Variants in SLCO4C1 observed in about 807,000 individuals in gnomAD.
SLCO4C1 encodes the protein solute carrier organic anion transporter family member 4C1, also known as organic anion transporter M1.
A neutral mutation model predicts 72.1 loss-of-function variants in SLCO4C1; 58 were observed. That is an observed-to-expected ratio of 0.80 (90% confidence interval 0.65 to 1.00). The LOEUF (loss-of-function observed/expected upper bound fraction) is 1.00. Among genes scored for constraint, SLCO4C1 ranks in the 50% least tolerant of loss-of-function variants. The pLI is 0.00. For missense variants in SLCO4C1, 898 were observed against 857.9 expected (o/e 1.05, Z -0.58); for synonymous variants, 297 against 312.5 (o/e 0.95, Z 0.52).
chr5:102,273,840 T>A (rs527521018), intron 2 of SLCO4C1, among the ~76,000 whole-genome samples: 2 of 152,248 alleles, frequency 1.3e-5, no homozygotes, highest in East Asian at 3.9e-4. Flanking sequence ...TTTGTGAGAT[T>A]ATTAGTTGAG....
rs937297358 is a variant in SLCO4C1, at chr5:102,238,880, T to C, written c.2014+371A>G. Among the ~76,000 whole-genome samples the C allele has an allele frequency of 2.0e-5, 3 of 152,270 alleles. No homozygotes were observed. The Middle Eastern group carries it at 0.01, about 518-fold the overall frequency. ...GATACTTCCCTGCCTGAGCCATATGTGTTTGCAACACCTAGATACCTAGAT... is the reference window on the plus strand; with the variant it reads ...GATACTTCCCTGCCTGAGCCATATGCGTTTGCAACACCTAGATACCTAGAT... On this transcript the variant is annotated intron_variant, in intron 12 of 12. Coordinates refer to ENST00000310954, the MANE Select transcript of SLCO4C1 (RefSeq NM_180991.5).
chr5:102,248,052 T>C (rs1748667617), intron 9 of SLCO4C1, among the ~76,000 whole-genome samples: 1 of 150,310 alleles, frequency 6.7e-6, no homozygotes, highest in Non-Finnish European at 1.5e-5. Flanking sequence ...TATCAAATAA[T>C]GAGGTAATTC....
At chr5:102,243,531 C>T (rs1368622748) in intron 10 of SLCO4C1, among the ~76,000 whole-genome samples, 1 of 152,224 alleles carries the variant, frequency 6.6e-6, no homozygotes, top group Non-Finnish European at 1.5e-5. Flanking sequence ...CACAGCATTA[C>T]TGGCCTTCGG....
Position 102,236,587 on chromosome 5 carries a change from TGTGTGTGTGTGTGTGTTC to T in SLCO4C1, c.*253_*270del, listed in dbSNP as rs1185201783. ...AAATAAGTGTGTATGTGTGCGTGTG[TGTGTGTGTGTGTGTGTTC>T]GTGTGTGTGTGTGTGTGTGTGCTCG... is the stretch of plus-strand genomic sequence containing the variant. On this transcript the variant is annotated 3_prime_UTR_variant, in exon 13 of 13. Coordinates refer to ENST00000310954, the MANE Select transcript of SLCO4C1 (RefSeq NM_180991.5). The T allele has an allele frequency of 4.7e-5, 14 of 300,478 alleles. No homozygotes were observed. The highest frequency in any genetic ancestry group is 8.6e-5 in the East Asian group (1 of 11,626). The allele number at this position is 300,478 out of a possible 1,614,324, so 18.6% of individuals were successfully genotyped here.
intron 3 of SLCO4C1, among the ~76,000 whole-genome samples, chr5:102,267,428 T>C (rs1749061524): frequency 1.3e-5 from 2 of 152,110 alleles, no homozygotes; most frequent in African/African-American, 4.8e-5. Context: ...TTAGTAAGAC[T>C]AACAATCCTT....
At chr5:102,265,419 C>G (rs930317098) in intron 3 of SLCO4C1, among the ~76,000 whole-genome samples, 4 of 152,104 alleles carry the variant, frequency 2.6e-5, no homozygotes, top group Non-Finnish European at 5.9e-5. Flanking sequence ...AGTGTTTCCC[C>G]TATGTTTTCC....
In SLCO4C1 at chr5:102,239,344, T is replaced by G. The variant is rs1329851448; in HGVS notation, c.1921A>C (p.Thr641Pro). 1 of 1,601,860 alleles carries G rather than the reference T, an allele frequency of 6.2e-7. No homozygotes were observed. Among genetic ancestry groups the G allele is most frequent in the East Asian group, 2.3e-5 (1 of 44,406 alleles). ...TCATTTATATCCCAAAGAATACATG[T>G]GCTGTCTATTGTGAAACCAAATATA... Reference protein sequence around the residue: ...PIIFGFTIDSTCILWDINDCG... With the variant: ...PIIFGFTIDSPCILWDINDCG... The change falls in exon 12 of 13, where the codon ACA (threonine) becomes CCA (proline). Residue 641 changes from threonine (T) to proline (P), a missense_variant. By Grantham distance (38) the Thr-to-Pro change is conservative. Coordinates refer to ENST00000310954, the MANE Select transcript of SLCO4C1 (RefSeq NM_180991.5).
At chr5:102,292,076 C>T (rs370193577) in intron 1 of SLCO4C1, among the ~76,000 whole-genome samples, 12 of 152,228 alleles carry the variant, frequency 7.9e-5, no homozygotes, top group African/African-American at 2.4e-4. Context: ...CCACCCGCCT[C>T]GGACTCCCAA....
chr5:102,237,061 T>A, intron 12 of SLCO4C1, 43 bp from the exon 13 acceptor site: 1 of 1,514,194 alleles, frequency 6.6e-7, no homozygotes, highest in Non-Finnish European at 8.8e-7. Context: ...TGTTTTTAAT[T>A]ATGATAAAAA....
chr5:102,287,468 A>G (rs778943635), intron 2 of SLCO4C1, among the ~76,000 whole-genome samples: 44 of 151,844 alleles, frequency 2.9e-4, no homozygotes, highest in Admixed American at 3.9e-4. Context: ...GTTGTTAACC[A>G]TCTGTGAAAT....
intron 1 of SLCO4C1, among the ~76,000 whole-genome samples, chr5:102,293,212 A>G (rs545304581): frequency 1.3e-5 from 2 of 152,298 alleles, no homozygotes; most frequent in South Asian, 4.1e-4. Context: ...TTAGGATGAC[A>G]TTTTTATACG....
chr5:102,247,696 T>A (rs1748660423), intron 9 of SLCO4C1, among the ~76,000 whole-genome samples: 1 of 152,120 alleles, frequency 6.6e-6, no homozygotes, highest in Admixed American at 6.6e-5. Context: ...ATTATTGACT[T>A]ACAAAACAAT....
chr5:102,281,889 C>A (rs567074861), intron 2 of SLCO4C1, among the ~76,000 whole-genome samples: 1 of 152,036 alleles, frequency 6.6e-6, no homozygotes, highest in Admixed American at 6.6e-5. Flanking sequence ...TATGACCCAG[C>A]AGTTTTACTC....
intron 2 of SLCO4C1, among the ~76,000 whole-genome samples, chr5:102,290,611 A>G (rs2112403720): frequency 6.6e-6 from 1 of 152,362 alleles, no homozygotes; most frequent in South Asian, 2.1e-4. Context: ...GCAGGGGTTA[A>G]GTAAGTGAAT....
At position 102,247,384 on chromosome 5, in the gene SLCO4C1, G is replaced by C; in HGVS notation, c.1679C>G (p.Thr560Ser). 3 of 1,594,368 alleles carry C rather than the reference G, an allele frequency of 1.9e-6. No homozygotes were observed. The highest frequency in any genetic ancestry group is 2.6e-6 in the Non-Finnish European group (3 of 1,165,210). Residue 560 changes from threonine to serine, a missense_variant, in exon 10 of 13, where the codon ACT becomes AGT. Thr to Ser is a moderately conservative substitution (Grantham distance 58). Transcript: ENST00000310954. ...RKTEITSTAE[T>S]FGFEAKAGKC... is the part of the protein sequence containing the mutation. ...TCCAGCTTTAGCTTCAAAACCAAAA[G>C]TTTCTGCAGTGGATGTTATTTCTGT...
At chr5:102,274,311 A>G (rs186951296) in intron 2 of SLCO4C1, among the ~76,000 whole-genome samples, 7 of 152,338 alleles carry the variant, frequency 4.6e-5, no homozygotes, top group African/African-American at 1.7e-4. Flanking sequence ...TGCCAATAAA[A>G]TTAAGGATTA....
chr5:102,285,925 C>T (rs1229605506), intron 2 of SLCO4C1, among the ~76,000 whole-genome samples: 11 of 152,058 alleles, frequency 7.2e-5, no homozygotes, highest in Admixed American at 7.2e-4. Context: ...TGAATTTGTG[C>T]TTGAAAACCT....
intron 1 of SLCO4C1, among the ~76,000 whole-genome samples, chr5:102,292,155 A>C (rs1455861552): frequency 6.6e-6 from 1 of 152,144 alleles, no homozygotes; most frequent in Non-Finnish European, 1.5e-5. Context: ...ACACTTGTGA[A>C]TTTTCAGGTG....
chr5:102,257,274 A>G lies in SLCO4C1; in HGVS notation c.1310T>C (p.Ile437Thr). Residue 437 changes from isoleucine to threonine, a missense_variant, in exon 8 of 13, where the codon ATT (isoleucine) becomes ACT (threonine). Physicochemically the swap from Ile to Thr is moderately conservative, Grantham distance 89. Transcript: ENST00000310954. ...VLIPGAALGQ[I>T]LGGFLVSKFR... ...TTTTGAAACAAGGAAGCCACCTAAA[A>G]TTTGACCGAGAGCAGCTCCAGGAAT... 8 of 1,604,072 alleles carry G rather than the reference A, an allele frequency of 5.0e-6. No homozygotes were observed. Among genetic ancestry groups the G allele is most frequent in the Non-Finnish European group, 6.8e-6 (8 of 1,176,370 alleles).
Sources: gnomAD v4.1 joint callset for allele counts (sites outside exome capture counted in the v4.1 genomes callset) on GRCh38, gnomAD v4.1.1 for gene constraint, MANE v1.5 for transcripts, NCBI Gene and HGNC (gene_info 2026-07-23, HGNC 2026-07-21) for gene names.